The following CDC42BPB variants were observed in gnomAD, a reference collection of about 807,000 sequenced individuals.
CDC42BPB encodes CDC42 binding protein kinase beta, also known as serine/threonine-protein kinase MRCK beta.
In CDC42BPB, 37 loss-of-function variants were observed where a neutral mutation model predicts 214.9. That is an observed-to-expected ratio of 0.17 (90% confidence interval 0.13 to 0.23). CDC42BPB has a LOEUF of 0.23. CDC42BPB is among the 10% of genes least tolerant of loss of function. The pLI is 1.00. For synonymous variants in CDC42BPB, 931 were observed against 884.0 expected (o/e 1.05, Z -0.94); for missense variants, 1,694 against 2,227.0 (o/e 0.76, Z 4.82).
rs1891451449 is a variant in CDC42BPB at position 102,932,881 on chromosome 14, G to GGA, written c.*830_*831insTC. The stretch of plus-strand genomic sequence containing the variant: ...CATGCGGGGGCAGGACTGGTGGGGG[G>GGA]GGGGGCGGGCAGGGCGGGGCGGGGT... On this transcript the variant is annotated 3_prime_UTR_variant, in exon 37 of 37. Coordinates refer to ENST00000361246, the MANE Select transcript of CDC42BPB (RefSeq NM_006035.4). The GGA allele has an allele frequency of 7.7e-6, 1 of 129,926 alleles. No homozygotes were observed. Among genetic ancestry groups the GGA allele is most frequent in the African/African-American group, 3.0e-5 (1 of 33,830 alleles). The allele number at this position is 129,926 out of a possible 1,614,324, so 8.0% of individuals were successfully genotyped here. A position where few individuals can be genotyped will look rare whatever the true frequency, so the allele number is the denominator to read the frequency against.
chr14:102,947,606 G>A, intron 27 of CDC42BPB, 115 bp downstream of exon 27: 1 of 912,826 alleles, frequency 1.1e-6, no homozygotes, highest in Non-Finnish European at 1.8e-6. Flanking sequence ...GCTGGAGGTT[G>A]AGACCCTAGG....
At chr14:102,961,809 T>C (rs575272565) in intron 20 of CDC42BPB, among the ~76,000 whole-genome samples, 2 of 152,286 alleles carry the variant, frequency 1.3e-5, no homozygotes, top group African/African-American at 4.8e-5. Flanking sequence ...TCCCGAAGTG[T>C]TGGGATTACA....
chr14:102,960,220 C>CA (rs529268153), intron 20 of CDC42BPB, among the ~76,000 whole-genome samples: 199 of 151,824 alleles, frequency 1.3e-3, no homozygotes, highest in African/African-American at 4.5e-3. Flanking sequence ...AAAACAAAAA[C>CA]AAAAAACAAA....
Position 102,933,548 on chromosome 14 carries a change from G to T in CDC42BPB, c.*164C>A. ...TGTGGTCTACTGCCACGAACAATGC[G>T]GCATAAAACTGATCAATATTATAAT... On this transcript the variant is annotated 3_prime_UTR_variant, in exon 37 of 37. Transcript: ENST00000361246. The T allele has an allele frequency of 3.5e-6, 2 of 564,214 alleles. No individual in the cohort carries two copies. Among genetic ancestry groups the T allele is most frequent in the Non-Finnish European group, 5.7e-6 (2 of 352,184 alleles). 35.0% of individuals were successfully genotyped at this position (564,214 alleles called of 1,614,324 possible).
chr14:103,003,672 A>T (rs1376671887), intron 4 of CDC42BPB, among the ~76,000 whole-genome samples: 2 of 152,242 alleles, frequency 1.3e-5, no homozygotes, highest in African/African-American at 4.8e-5. Flanking sequence ...GCTGATTTAA[A>T]TGTAATAAAC....
intron 2 of CDC42BPB, among the ~76,000 whole-genome samples, chr14:103,009,627 A>G (rs1364414701): frequency 1.3e-5 from 2 of 152,258 alleles, no homozygotes; most frequent in Non-Finnish European, 2.9e-5. Context: ...CCATTCTGTT[A>G]AAACAATTTT....
At chr14:103,020,477 G>A (rs535022067) in intron 1 of CDC42BPB, among the ~76,000 whole-genome samples, 2 of 152,228 alleles carry the variant, frequency 1.3e-5, no homozygotes, top group African/African-American at 4.8e-5. Context: ...GGCACCTACC[G>A]ACGGCCCAGC....
At chr14:102,992,181 G>C (rs1012727577) in intron 5 of CDC42BPB, among the ~76,000 whole-genome samples, 1 of 152,208 alleles carries the variant, frequency 6.6e-6, no homozygotes, top group Non-Finnish European at 1.5e-5. Flanking sequence ...GTGCTGCTGT[G>C]AGCGTGCAGT....
intron 1 of CDC42BPB, among the ~76,000 whole-genome samples, chr14:103,032,757 T>A (rs900798453): frequency 6.6e-6 from 1 of 150,860 alleles, no homozygotes; most frequent in Non-Finnish European, 1.5e-5. Flanking sequence ...CCCAGCCTCC[T>A]GAGTAGCTGG....
At chr14:102,961,384 G>C (rs758161301) in intron 20 of CDC42BPB, among the ~76,000 whole-genome samples, 3 of 151,780 alleles carry the variant, frequency 2.0e-5, no homozygotes, top group Non-Finnish European at 2.9e-5. Context: ...ACCCAGGCTG[G>C]AGTGCAGTGG....
rs71119749 is a variant in CDC42BPB, at chr14:102,974,281, TACACACACACAC to T, written c.1508-144_1508-133del. 3.0e-4 allele frequency: 397 copies of T among 1,316,152 alleles called. 2 individuals are homozygous for T. The highest frequency in any genetic ancestry group is 2.8e-3 in the East Asian group (82 of 29,348). 81.5% of individuals were successfully genotyped at this position (1,316,152 alleles called of 1,614,324 possible). ...TTTTTCATTCAGAGGTTTTTTTACT[TACACACACACAC>T]ACACACACACACACACACACACACA... On this transcript the variant is annotated intron_variant, in intron 11 of 36. Transcript: ENST00000361246.
intron 5 of CDC42BPB, among the ~76,000 whole-genome samples, chr14:102,996,496 T>A (rs1011784607): frequency 6.6e-6 from 1 of 152,106 alleles, no homozygotes; most frequent in Admixed American, 6.6e-5. Flanking sequence ...GAAGACAGTA[T>A]AAAATCTAAA....
In CDC42BPB at chr14:102,943,011, G is replaced by C. The variant is rs1343196457; in HGVS notation, c.4408+880C>G. On this transcript the variant is annotated intron_variant, in intron 30 of 36. Coordinates refer to ENST00000361246, the MANE Select transcript of CDC42BPB (RefSeq NM_006035.4). The surrounding 1 kb of genome is among the most constrained non-coding windows in gnomAD (Gnocchi z 4.6). ...AGCCTCCTGAGTAGCTGGGACTACA[G>C]GCGCCCGCCACCACGCCCGGCTAAT... 3.3e-5 allele frequency among the ~76,000 whole-genome samples: 5 copies of C among 152,202 alleles called. No homozygotes were observed. Among genetic ancestry groups the C allele is most frequent in the Non-Finnish European group, 5.9e-5 (4 of 68,044 alleles).
At chr14:103,028,348 C>A (rs1887165818) in intron 1 of CDC42BPB, among the ~76,000 whole-genome samples, 1 of 152,170 alleles carries the variant, frequency 6.6e-6, no homozygotes, top group Admixed American at 6.5e-5. Context: ...TCAGACTTCA[C>A]CGCTTACTGT....
intron 13 of CDC42BPB, 129 bp downstream of exon 13, chr14:102,971,790 C>A: frequency 1.2e-6 from 1 of 866,546 alleles, no homozygotes. Context: ...CTCGGCCGAT[C>A]AACTTACTTG....
At chr14:103,027,421 T>A (rs1195707158) in intron 1 of CDC42BPB, among the ~76,000 whole-genome samples, 1 of 152,216 alleles carries the variant, frequency 6.6e-6, no homozygotes, top group Non-Finnish European at 1.5e-5. Flanking sequence ...AATTTGTACA[T>A]GAATATTCAC....
chr14:102,967,902 T>C (rs1319835428), intron 16 of CDC42BPB, among the ~76,000 whole-genome samples: 1 of 152,020 alleles, frequency 6.6e-6, no homozygotes, highest in Non-Finnish European at 1.5e-5. Flanking sequence ...GAGACCATCC[T>C]GGCTAACACG....
At chr14:102,955,323 T>C (rs1466202820) in intron 21 of CDC42BPB, among the ~76,000 whole-genome samples, 1 of 152,166 alleles carries the variant, frequency 6.6e-6, no homozygotes, top group Non-Finnish European at 1.5e-5. Context: ...CTCTGGAGGC[T>C]GAGGCACGAC....
intron 1 of CDC42BPB, among the ~76,000 whole-genome samples, chr14:103,032,368 T>TA (rs1887431447): frequency 1.3e-5 from 2 of 151,116 alleles, no homozygotes; most frequent in Non-Finnish European, 2.9e-5. Context: ...TATTTTTTTT[T>TA]ACATCGATTG....
Sources: allele counts gnomAD v4.1 joint callset (sites outside exome capture counted in the v4.1 genomes callset), GRCh38; gene constraint gnomAD v4.1.1; non-coding constraint Gnocchi (gnomAD v3.1); transcripts MANE v1.5; gene names NCBI Gene and HGNC (gene_info 2026-07-23, HGNC 2026-07-21).